The following LHFPL1 variants were observed in gnomAD, a reference collection of about 807,000 sequenced individuals.
The protein encoded by LHFPL1 is LHFPL tetraspan subfamily member 1 protein.
In LHFPL1, 4 loss-of-function variants were observed where a neutral mutation model predicts 12.1. That is an observed-to-expected ratio of 0.33 (90% CI 0.16 to 0.76). LHFPL1 has a LOEUF of 0.76. Ranked by LOEUF, LHFPL1 falls within the 30% of genes least tolerant of loss-of-function variation. LHFPL1 has a pLI of 0.61. For missense variants in LHFPL1, 141 were observed against 174.1 expected (o/e 0.81, Z 1.07); for synonymous variants, 52 against 61.9 (o/e 0.84, Z 0.75).
chrX:112,636,390 G>A (rs745793897), intron 3 of LHFPL1, among the ~76,000 whole-genome samples: 110 of 112,051 alleles, frequency 9.8e-4, no homozygotes, highest in African/African-American at 3.2e-3. Flanking sequence ...AAAAAGTGTC[G>A]ATATTGTCTA....
At chrX:112,662,183 TGA>T (rs1931209062) in intron 2 of LHFPL1, among the ~76,000 whole-genome samples, 1 of 112,375 alleles carries the variant, frequency 8.9e-6, no homozygotes, top group East Asian at 2.8e-4. Flanking sequence ...GCCACACTAA[TGA>T]ACATGGGAGG....
chrX:112,649,280 T>C (rs1188515485), intron 3 of LHFPL1, among the ~76,000 whole-genome samples: 3 of 112,292 alleles, frequency 2.7e-5, no homozygotes, highest in Non-Finnish European at 5.6e-5. Flanking sequence ...ATATTTTTAT[T>C]GCATGTTTGT....
chrX:112,655,379 T>C (rs1473473786), intron 3 of LHFPL1, among the ~76,000 whole-genome samples: 1 of 112,093 alleles, frequency 8.9e-6, no homozygotes, highest in Admixed American at 9.5e-5. Flanking sequence ...ATCAGTGCCT[T>C]AATATAAGTT....
chrX:112,655,784 G>A (rs1249590549), intron 3 of LHFPL1, among the ~76,000 whole-genome samples: 2 of 111,192 alleles, frequency 1.8e-5, no homozygotes, highest in Admixed American at 1.9e-4. Context: ...TCCCAGGCTG[G>A]TCTTGAACTC....
intron 3 of LHFPL1, among the ~76,000 whole-genome samples, chrX:112,634,652 A>G (rs954110036): frequency 8.9e-6 from 1 of 111,804 alleles, no homozygotes; most frequent in African/African-American, 3.3e-5. Flanking sequence ...GCAGGAAGAA[A>G]ACTGACAGAG....
intron 2 of LHFPL1, among the ~76,000 whole-genome samples, chrX:112,663,512 TA>T (rs1215918283): frequency 3.0e-4 from 32 of 105,954 alleles, no homozygotes; most frequent in East Asian, 8.9e-4. Context: ...TCTGACACCA[TA>T]AAAAAAAAAT....
At chrX:112,659,110 A>G (rs1931098081) in intron 3 of LHFPL1, among the ~76,000 whole-genome samples, 1 of 111,803 alleles carries the variant, frequency 8.9e-6, no homozygotes, top group Non-Finnish European at 1.9e-5. Flanking sequence ...AGCAGCTGGG[A>G]GCAAAGGGAA....
chrX:112,652,369 T>G (rs773744201), intron 3 of LHFPL1, among the ~76,000 whole-genome samples: 114 of 112,157 alleles, frequency 1.0e-3, no homozygotes, highest in African/African-American at 3.5e-3. Flanking sequence ...TCAGGTTTCT[T>G]GTCTTTACCT....
intron 3 of LHFPL1, among the ~76,000 whole-genome samples, chrX:112,639,225 CT>C (rs1423977487): frequency 2.9e-5 from 3 of 102,287 alleles, no homozygotes; most frequent in Non-Finnish European, 4.0e-5. Context: ...TCTCTTCTCA[CT>C]CTCCAAGCTG....
intron 1 of LHFPL1, among the ~76,000 whole-genome samples, chrX:112,673,426 T>C (rs1048872812): frequency 1.1e-4 from 12 of 111,518 alleles, no homozygotes; most frequent in African/African-American, 3.9e-4. Context: ...GCAGGTATGG[T>C]TGGCCGCAAT....
chrX:112,635,430 C>T (rs193209542), intron 3 of LHFPL1, among the ~76,000 whole-genome samples: 2 of 112,347 alleles, frequency 1.8e-5, no homozygotes, highest in Admixed American at 9.4e-5. Context: ...TCCATTTCAA[C>T]CATGCTAGGA....
At chrX:112,653,140 C>T (rs1800935769) in intron 3 of LHFPL1, among the ~76,000 whole-genome samples, 2 of 112,135 alleles carry the variant, frequency 1.8e-5, no homozygotes, top group African/African-American at 6.5e-5. Flanking sequence ...CATGGTATTA[C>T]TTCATATCTT....
chrX:112,641,310 G>A (rs762952729), intron 3 of LHFPL1, among the ~76,000 whole-genome samples: 1 of 111,288 alleles, frequency 9.0e-6, no homozygotes, highest in African/African-American at 3.3e-5. Flanking sequence ...TTATTCATTC[G>A]TCAAGTCCCA....
chrX:112,669,684 C>A (rs1030710846), intron 2 of LHFPL1, among the ~76,000 whole-genome samples: 17 of 112,162 alleles, frequency 1.5e-4, no homozygotes, highest in Middle Eastern at 9.2e-3. Flanking sequence ...TGGCTGGATA[C>A]CTCTTTGTTG....
intron 2 of LHFPL1, 130 bp downstream of exon 2, chrX:112,670,879 A>G (rs1205251979): frequency 2.8e-6 from 2 of 713,746 alleles, no homozygotes; most frequent in Admixed American, 6.9e-5. Context: ...TTTAAAGGAG[A>G]CTTCATTCAT....
chrX:112,642,813 T>A (rs1000103675), intron 3 of LHFPL1, among the ~76,000 whole-genome samples: 1 of 110,909 alleles, frequency 9.0e-6, no homozygotes, highest in African/African-American at 3.3e-5. Context: ...TATTTTTCTA[T>A]TCAAAATGAA....
At chrX:112,659,584 A>T (rs5974246) in intron 3 of LHFPL1, among the ~76,000 whole-genome samples, 17,391 of 111,500 alleles carry the variant, frequency 0.16, 1,105 homozygotes, top group African/African-American at 0.25. Flanking sequence ...ATATCAACGA[A>T]ACTGTCATTT....
At chrX:112,670,831 G>A (rs913814294) in intron 2 of LHFPL1, among the ~76,000 whole-genome samples, 178 bp downstream of exon 2, 4 of 112,315 alleles carry the variant, frequency 3.6e-5, no homozygotes, top group Non-Finnish European at 7.5e-5. Context: ...ATAAAACTCT[G>A]ATATTGATTG....
intron 3 of LHFPL1, among the ~76,000 whole-genome samples, chrX:112,659,408 T>G (rs1448894889): frequency 9.1e-6 from 1 of 110,161 alleles, no homozygotes; most frequent in Non-Finnish European, 1.9e-5. Flanking sequence ...TGTAATGACC[T>G]GAGATCGCAC....
Sources: allele counts gnomAD v4.1 joint callset (sites outside exome capture counted in the v4.1 genomes callset), GRCh38; gene constraint gnomAD v4.1.1; transcripts MANE v1.5; gene names NCBI Gene and HGNC (gene_info 2026-07-23, HGNC 2026-07-21).